Variants in GRM7 observed in about 807,000 individuals in gnomAD.
The protein encoded by GRM7 is metabotropic glutamate receptor 7.
A neutral mutation model predicts 84.5 loss-of-function variants in GRM7; 35 were observed. The observed-to-expected ratio is 0.41, with a 90% CI of 0.32 to 0.55. GRM7 has a LOEUF of 0.55. GRM7 is among the 20% of genes least tolerant of loss of function. The pLI is 0.19. For synonymous variants in GRM7, 487 were observed against 455.1 expected (o/e 1.07, Z -0.89); for missense variants, 1,003 against 1,194.6 (o/e 0.84, Z 2.36).
chr3:6,908,088 AG>A (rs765724841), intron 1 of GRM7, among the ~76,000 whole-genome samples: 7 of 152,196 alleles, frequency 4.6e-5, no homozygotes, highest in Non-Finnish European at 8.8e-5. Context: ...AAGAAGACAA[AG>A]AAAATAAAAA....
chr3:7,459,359 G>A (rs1182619986), intron 6 of GRM7, among the ~76,000 whole-genome samples: 1 of 152,172 alleles, frequency 6.6e-6, no homozygotes, highest in East Asian at 1.9e-4. Context: ...GGAGCAGAGA[G>A]GGAGGAAGGA....
At chr3:6,972,794 A>C (rs558265150) in intron 1 of GRM7, among the ~76,000 whole-genome samples, 2 of 152,180 alleles carry the variant, frequency 1.3e-5, no homozygotes, top group African/African-American at 4.8e-5. Flanking sequence ...TGGGCCCCCA[A>C]AATAGCTTGA....
At chr3:7,705,504 C>T (rs940962094) in intron 9 of GRM7, among the ~76,000 whole-genome samples, 1 of 152,116 alleles carries the variant, frequency 6.6e-6, no homozygotes, top group African/African-American at 2.4e-5. Context: ...AAAACTGCAA[C>T]TGTGAAAAAC....
chr3:7,531,215 CTTG>C (rs1472701169), intron 7 of GRM7, among the ~76,000 whole-genome samples: 2 of 152,108 alleles, frequency 1.3e-5, no homozygotes, highest in Non-Finnish European at 2.9e-5. Context: ...TTCCCCATTG[CTTG>C]TTTTTGTCAG....
rs1045665928 is a variant in GRM7 at position 6,896,177 on chromosome 3, T to G, written c.519+34270T>G. ...GATGTGAATTGGAGCTGTGCTGTGC[T>G]GTTGCAATGAGATTCTGCTTTTTTG... is the stretch of plus-strand genomic sequence containing the variant. On this transcript the variant is annotated intron_variant, in intron 1 of 9. Transcript: ENST00000357716. Among the ~76,000 whole-genome samples, 6 of 152,186 alleles carry G rather than the reference T, an allele frequency of 3.9e-5. 1 individual carries two copies. Among genetic ancestry groups the G allele is most frequent in the Non-Finnish European group, 8.8e-5 (6 of 68,032 alleles).
At chr3:7,530,996 G>A (rs1405140919) in intron 7 of GRM7, among the ~76,000 whole-genome samples, 1 of 152,048 alleles carries the variant, frequency 6.6e-6, no homozygotes, top group Non-Finnish European at 1.5e-5. Flanking sequence ...ATTACTTTTG[G>A]TGTTTTAGTC....
chr3:7,177,910 A>C (rs1695208887), intron 2 of GRM7, among the ~76,000 whole-genome samples: 1 of 152,246 alleles, frequency 6.6e-6, no homozygotes, highest in Non-Finnish European at 1.5e-5. Flanking sequence ...AGTAATGTTC[A>C]CTGCTTTTCT....
At chr3:7,036,553 G>C (rs1423811187) in intron 1 of GRM7, among the ~76,000 whole-genome samples, 1 of 152,166 alleles carries the variant, frequency 6.6e-6, no homozygotes, top group Admixed American at 6.5e-5. Flanking sequence ...GAGGAGAAAT[G>C]ATGGGGTATA....
At chr3:7,330,706 G>A (rs916544038) in intron 4 of GRM7, among the ~76,000 whole-genome samples, 3 of 152,146 alleles carry the variant, frequency 2.0e-5, no homozygotes, top group Non-Finnish European at 4.4e-5. Flanking sequence ...ATGATTCTGA[G>A]GCCTCCCCAG....
chr3:6,971,374 T>C (rs1442331217), intron 1 of GRM7, among the ~76,000 whole-genome samples: 3 of 152,166 alleles, frequency 2.0e-5, no homozygotes, highest in Admixed American at 6.5e-5. Flanking sequence ...AGAACTTTTC[T>C]TCCTGAACAA....
chr3:7,492,879 G>A (rs967709965), intron 7 of GRM7, among the ~76,000 whole-genome samples: 2 of 151,954 alleles, frequency 1.3e-5, no homozygotes, highest in Non-Finnish European at 2.9e-5. Context: ...TTGATATGTT[G>A]TTGGTTTTCA....
intron 7 of GRM7, among the ~76,000 whole-genome samples, chr3:7,519,234 T>G (rs1205801004): frequency 6.6e-6 from 1 of 152,124 alleles, no homozygotes; most frequent in Non-Finnish European, 1.5e-5. Flanking sequence ...TAGTGGTGCA[T>G]GCCTGTAATC....
chr3:7,324,509 C>T (rs1020083701), intron 4 of GRM7, among the ~76,000 whole-genome samples: 2 of 152,130 alleles, frequency 1.3e-5, no homozygotes, highest in Admixed American at 1.3e-4. Flanking sequence ...CTCTTATGGC[C>T]TTTTCAGTGA....
intron 2 of GRM7, among the ~76,000 whole-genome samples, chr3:7,296,416 C>T (rs1699816652): frequency 6.6e-6 from 1 of 151,978 alleles, no homozygotes; most frequent in African/African-American, 2.4e-5. Context: ...GAGTTATGTT[C>T]TCTCTTCTCC....
At chr3:6,913,245 T>G (rs1696832794) in intron 1 of GRM7, among the ~76,000 whole-genome samples, 1 of 152,214 alleles carries the variant, frequency 6.6e-6, no homozygotes, top group Admixed American at 6.5e-5. Context: ...TTATTTTCAT[T>G]GGCTTTATCA....
intron 2 of GRM7, among the ~76,000 whole-genome samples, chr3:7,250,782 C>G (rs1354247324): frequency 6.6e-6 from 1 of 152,150 alleles, no homozygotes; most frequent in Non-Finnish European, 1.5e-5. Flanking sequence ...CCTCAGCCTC[C>G]CAAAGTGCTG....
intron 2 of GRM7, among the ~76,000 whole-genome samples, chr3:7,263,836 A>C (rs1221672465): frequency 6.6e-6 from 1 of 152,142 alleles, no homozygotes; most frequent in African/African-American, 2.4e-5. Context: ...TCATGCTGGC[A>C]GCAGTGGCAT....
chr3:6,967,153 A>C (rs984390312), intron 1 of GRM7, among the ~76,000 whole-genome samples: 2 of 152,144 alleles, frequency 1.3e-5, no homozygotes, highest in Non-Finnish European at 2.9e-5. Context: ...GCCAAACTAT[A>C]GTAAGGCCTT....
At chr3:6,906,672 T>G (rs570540477) in intron 1 of GRM7, among the ~76,000 whole-genome samples, 1 of 152,138 alleles carries the variant, frequency 6.6e-6, no homozygotes, top group Non-Finnish European at 1.5e-5. Context: ...CAGCTGCCTC[T>G]TGAACCCATA....
Sources: allele counts gnomAD v4.1 joint callset (sites outside exome capture counted in the v4.1 genomes callset), GRCh38; gene constraint gnomAD v4.1.1; transcripts MANE v1.5; gene names NCBI Gene and HGNC (gene_info 2026-07-23, HGNC 2026-07-21).